CADM2: variants seen among roughly 807,000 people sequenced by gnomAD.
The protein encoded by CADM2 is immunoglobulin superfamily member 4D.
CADM2 carries 12 observed loss-of-function variants against 49.8 expected under a neutral mutation model. The ratio of observed to expected loss-of-function variants is 0.24; its 90% CI spans 0.15 to 0.39. The LOEUF is 0.39. Among genes scored for constraint, CADM2 ranks in the 10% least tolerant of loss-of-function variants. The pLI is 1.00. For synonymous variants in CADM2, 214 were observed against 175.4 expected, an observed-to-expected ratio of 1.22 and a Z score of -1.74; for missense variants, 378 against 492.3, an observed-to-expected ratio of 0.77 and a Z score of 2.20.
intron 1 of CADM2, among the ~76,000 whole-genome samples, chr3:85,088,334 C>A (rs1559653973): frequency 6.6e-6 from 1 of 152,114 alleles, no homozygotes; most frequent in Non-Finnish European, 1.5e-5. Flanking sequence ...AGAACACCAA[C>A]TGTACAAATT....
At chr3:85,215,358 TAAAAAAAAAAAAA>T (rs955035192) in intron 1 of CADM2, among the ~76,000 whole-genome samples, 1 of 80,920 alleles carries the variant, frequency 1.2e-5, no homozygotes, top group Non-Finnish European at 2.2e-5. Flanking sequence ...CTCTCTTTTT[TAAAAAAAAAAAAA>T]AAAAAAAAAA....
intron 8 of CADM2, among the ~76,000 whole-genome samples, chr3:86,050,773 T>G (rs1737239259): frequency 6.6e-6 from 1 of 151,988 alleles, no homozygotes; most frequent in Middle Eastern, 3.2e-3. Flanking sequence ...AGAGGTGGAG[T>G]GGCTGAGATG....
At chr3:85,165,556 G>T (rs568672394) in intron 1 of CADM2, among the ~76,000 whole-genome samples, 1 of 151,862 alleles carries the variant, frequency 6.6e-6, no homozygotes, top group African/African-American at 2.4e-5. Flanking sequence ...TTTTCATAGT[G>T]ACTTACACTT....
At chr3:85,425,678 C>G (rs990164733) in intron 1 of CADM2, among the ~76,000 whole-genome samples, 1 of 152,112 alleles carries the variant, frequency 6.6e-6, no homozygotes, top group Non-Finnish European at 1.5e-5. Context: ...TGTTTTAAAT[C>G]ACCAAGTGTT....
intron 1 of CADM2, among the ~76,000 whole-genome samples, chr3:85,394,046 C>T (rs533349877): frequency 2.1e-4 from 32 of 152,226 alleles, no homozygotes; most frequent in Non-Finnish European, 4.1e-4. Flanking sequence ...CCACCCGCCT[C>T]GGCCTCCCAA....
At chr3:85,009,256 T>C (rs2033876276) in intron 1 of CADM2, among the ~76,000 whole-genome samples, 1 of 152,196 alleles carries the variant, frequency 6.6e-6, no homozygotes, top group South Asian at 2.1e-4. Context: ...TAGAAGTGGC[T>C]TCAAAAGATT....
intron 1 of CADM2, among the ~76,000 whole-genome samples, chr3:85,394,992 T>C (rs955456019): frequency 2.3e-4 from 35 of 152,270 alleles, no homozygotes; most frequent in African/African-American, 8.4e-4. Flanking sequence ...TAATGTATGA[T>C]ACTTAACAAA....
chr3:85,957,353 C>T (rs571573823), intron 7 of CADM2, among the ~76,000 whole-genome samples: 1 of 151,268 alleles, frequency 6.6e-6, no homozygotes, highest in South Asian at 2.1e-4. Flanking sequence ...TTTTATATAC[C>T]TAGTTTCTTC....
intron 1 of CADM2, among the ~76,000 whole-genome samples, chr3:85,137,890 A>G (rs1344753188): frequency 1.3e-5 from 2 of 152,164 alleles, no homozygotes; most frequent in East Asian, 3.8e-4. Context: ...ACTTTTAAAT[A>G]TATGTTATAG....
At chr3:85,440,991 CAT>C (rs1559841504) in intron 1 of CADM2, among the ~76,000 whole-genome samples, 1 of 151,928 alleles carries the variant, frequency 6.6e-6, no homozygotes, top group African/African-American at 2.4e-5. Context: ...AATAAAAAGA[CAT>C]ATTTTATATC....
intron 1 of CADM2, among the ~76,000 whole-genome samples, chr3:85,261,118 TTTTC>T (rs969408036): frequency 8.6e-5 from 13 of 152,042 alleles, no homozygotes; most frequent in Admixed American, 4.6e-4. Context: ...GTTTTTACAT[TTTTC>T]TTTCTTTCTT....
rs866589840 is a variant in CADM2 at position 85,700,036 on chromosome 3, G to A, written c.62-26486G>A. ...ATCTACTATAAAGACACATGCACAC[G>A]TATGTTTACAGTGGCACTATTCACA... On this transcript the variant is annotated intron_variant, in intron 1 of 9. Transcript: ENST00000383699. 9.9e-5 allele frequency among the ~76,000 whole-genome samples: 15 copies of A among 152,242 alleles called. No homozygotes were observed. The Middle Eastern group carries it at 0.014, about 138-fold the overall frequency.
chr3:85,885,362 C>A (rs982846701), intron 4 of CADM2, among the ~76,000 whole-genome samples: 7 of 147,628 alleles, frequency 4.7e-5, no homozygotes, highest in African/African-American at 1.5e-4. Flanking sequence ...CATGAGGAAA[C>A]CCCATCTCTA....
Position 85,283,048 on chromosome 3 carries a change from CA to C in CADM2, c.61+323387del, listed in dbSNP as rs1268053634. The stretch of plus-strand genomic sequence containing the variant: ...AAATTTTATGTATAAATAAAAAAGT[CA>C]AAAAAAGTTGGTAGATTTTAGAATT... On this transcript the variant is annotated intron_variant, in intron 1 of 9. Transcript: ENST00000383699. Among the ~76,000 whole-genome samples, 12 of 151,436 alleles carry C rather than the reference CA, an allele frequency of 7.9e-5. No homozygotes were observed. In the South Asian group the frequency reaches 1.5e-3, roughly 18 times the overall value.
At chr3:85,586,207 C>T (rs80097134) in intron 1 of CADM2, among the ~76,000 whole-genome samples, 3,818 of 152,088 alleles carry the variant, frequency 0.025, 185 homozygotes, top group East Asian at 0.18. Context: ...GTCTTGCATC[C>T]CCCTAGCTCA....
intron 1 of CADM2, among the ~76,000 whole-genome samples, chr3:85,484,545 G>A (rs1463370700): frequency 6.6e-6 from 1 of 151,758 alleles, no homozygotes; most frequent in African/African-American, 2.4e-5. Context: ...TACTAACAAA[G>A]TTATTCTAGT....
At chr3:85,738,098 T>A (rs1016971185) in intron 2 of CADM2, among the ~76,000 whole-genome samples, 1 of 151,906 alleles carries the variant, frequency 6.6e-6, no homozygotes, top group African/African-American at 2.4e-5. Context: ...CCAGAAGTTA[T>A]CTTGGGAAAG....
chr3:85,570,231 AT>A, intron 1 of CADM2, among the ~76,000 whole-genome samples: 1 of 152,042 alleles, frequency 6.6e-6, no homozygotes, highest in East Asian at 1.9e-4. Flanking sequence ...TCATCAATTC[AT>A]TTTTCTTGAC....
chr3:86,011,755 A>G (rs1342671083), intron 8 of CADM2, among the ~76,000 whole-genome samples: 1 of 152,168 alleles, frequency 6.6e-6, no homozygotes, highest in Non-Finnish European at 1.5e-5. Context: ...GAAATATGTA[A>G]AAAAAGAAAA....
Sources: allele counts gnomAD v4.1 joint callset (sites outside exome capture counted in the v4.1 genomes callset), GRCh38; gene constraint gnomAD v4.1.1; transcripts MANE v1.5; gene names NCBI Gene and HGNC (gene_info 2026-07-23, HGNC 2026-07-21).